CCSER1: variants seen among roughly 807,000 people sequenced by gnomAD.
CCSER1 encodes the protein serine-rich coiled-coil domain-containing protein 1.
Under a neutral mutation model 82.0 loss-of-function variants are expected in CCSER1, and 41 were observed. That is an observed-to-expected ratio of 0.50 (90% confidence interval 0.39 to 0.65). The LOEUF is 0.65. CCSER1 is among the 30% of genes least tolerant of loss of function. The pLI is 0.00. For synonymous variants in CCSER1, 414 were observed against 383.9 expected (o/e 1.08, Z -0.92); for missense variants, 1,119 against 1,064.2 (o/e 1.05, Z -0.72).
chr4:91,245,465 C>T (rs574864832), intron 10 of CCSER1, among the ~76,000 whole-genome samples: 1 of 152,082 alleles, frequency 6.6e-6, no homozygotes, highest in African/African-American at 2.4e-5. Flanking sequence ...TAGTGGAAAC[C>T]TTACAGGCCA....
In CCSER1 at chr4:91,369,955, T is replaced by C. The variant is rs141962271; in HGVS notation, c.2218-228617T>C. On this transcript the variant is annotated intron_variant, in intron 10 of 10. Coordinates refer to ENST00000509176, the MANE Select transcript of CCSER1 (RefSeq NM_001145065.2). The stretch of plus-strand genomic sequence containing the variant: ...CCAGCCTCTCAAAGTGCTGGGATTA[T>C]AGGCATGAGCCACTGTGCCCAGCCA... 6.1e-3 allele frequency among the ~76,000 whole-genome samples: 932 copies of C among 152,000 alleles called. 16 individuals are homozygous for C. The highest frequency in any genetic ancestry group is 0.021 in the African/African-American group (870 of 41,470).
intron 5 of CCSER1, among the ~76,000 whole-genome samples, chr4:90,620,353 A>G (rs1207348642): frequency 6.6e-6 from 1 of 152,170 alleles, no homozygotes; most frequent in Non-Finnish European, 1.5e-5. Context: ...CAGTTAGAAA[A>G]TTAATTTAGG....
At chr4:91,085,107 C>CG (rs1723232824) in intron 9 of CCSER1, among the ~76,000 whole-genome samples, 1 of 145,492 alleles carries the variant, frequency 6.9e-6, no homozygotes, top group African/African-American at 2.5e-5. Flanking sequence ...CTACAGGACA[C>CG]TTTTTTTTTT....
intron 7 of CCSER1, among the ~76,000 whole-genome samples, chr4:90,769,675 G>A (rs905968025): frequency 3.9e-5 from 6 of 152,084 alleles, no homozygotes; most frequent in South Asian, 4.2e-4. Flanking sequence ...AGACGAAGAG[G>A]GATTATATTC....
intron 10 of CCSER1, among the ~76,000 whole-genome samples, chr4:91,162,063 T>C (rs919313834): frequency 6.6e-6 from 1 of 152,218 alleles, no homozygotes; most frequent in Non-Finnish European, 1.5e-5. Context: ...TGTTATTGGC[T>C]GTGGGTTTGT....
intron 10 of CCSER1, among the ~76,000 whole-genome samples, chr4:91,185,176 A>G (rs1217715723): frequency 6.6e-6 from 1 of 152,184 alleles, no homozygotes; most frequent in East Asian, 1.9e-4. Context: ...TGATTTACCC[A>G]ATAAGCTGCT....
intron 9 of CCSER1, among the ~76,000 whole-genome samples, 168 bp from the exon 10 acceptor site, chr4:91,085,782 C>T (rs899771399): frequency 3.3e-5 from 5 of 151,650 alleles, no homozygotes; most frequent in Admixed American, 2.0e-4. Flanking sequence ...ACTTACTTAG[C>T]TACACACACA....
intron 1 of CCSER1, among the ~76,000 whole-genome samples, chr4:90,284,865 C>T (rs1472371329): frequency 2.0e-5 from 3 of 151,948 alleles, no homozygotes; most frequent in Non-Finnish European, 4.4e-5. Context: ...ATCCAGTTTT[C>T]CCAGCACCAT....
intron 1 of CCSER1, among the ~76,000 whole-genome samples, chr4:90,214,592 T>C (rs1835526): frequency 0.61 from 93,393 of 152,000 alleles, 30,107 homozygotes; most frequent in East Asian, 0.83. Context: ...CAATAAAAAG[T>C]AGATGTATTT....
chr4:90,894,544 T>C (rs1723423396), intron 8 of CCSER1, among the ~76,000 whole-genome samples: 1 of 152,034 alleles, frequency 6.6e-6, no homozygotes, highest in African/African-American at 2.4e-5. Flanking sequence ...ATTGACTATA[T>C]AGTCTATTAG....
chr4:90,840,990 A>G (rs967677983), intron 8 of CCSER1, among the ~76,000 whole-genome samples: 2 of 152,184 alleles, frequency 1.3e-5, no homozygotes, highest in Non-Finnish European at 2.9e-5. Context: ...CTACAGCTCT[A>G]AAACACCATG....
At chr4:91,259,370 C>T (rs960501491) in intron 10 of CCSER1, among the ~76,000 whole-genome samples, 1 of 152,070 alleles carries the variant, frequency 6.6e-6, no homozygotes, top group Non-Finnish European at 1.5e-5. Context: ...CATTCATTTT[C>T]CTTATAGTTC....
chr4:90,167,889 G>A (rs1434751785), intron 1 of CCSER1, among the ~76,000 whole-genome samples: 3 of 152,048 alleles, frequency 2.0e-5, no homozygotes, highest in African/African-American at 7.3e-5. Context: ...GGACATTTGG[G>A]TTGGTTCCAA....
intron 5 of CCSER1, among the ~76,000 whole-genome samples, chr4:90,480,010 C>T (rs1765694228): frequency 6.6e-6 from 1 of 152,150 alleles, no homozygotes; most frequent in Non-Finnish European, 1.5e-5. Flanking sequence ...CAAAGTGTTC[C>T]TATTTCTCCA....
intron 8 of CCSER1, among the ~76,000 whole-genome samples, chr4:90,863,891 C>T (rs1580828538): frequency 6.6e-6 from 1 of 151,738 alleles, no homozygotes; most frequent in African/African-American, 2.4e-5. Flanking sequence ...CTTTGTTGAA[C>T]CAGAGAATCT....
intron 10 of CCSER1, among the ~76,000 whole-genome samples, chr4:91,241,986 G>C (rs1739405526): frequency 6.6e-6 from 1 of 151,020 alleles, no homozygotes; most frequent in Admixed American, 6.6e-5. Flanking sequence ...ATATTTATGT[G>C]CATATATATG....
At chr4:91,242,037 A>G (rs1739412994) in intron 10 of CCSER1, among the ~76,000 whole-genome samples, 1 of 152,250 alleles carries the variant, frequency 6.6e-6, no homozygotes, top group Admixed American at 6.5e-5. Context: ...AAGAAAAACA[A>G]CAAAGTTAAT....
intron 4 of CCSER1, among the ~76,000 whole-genome samples, chr4:90,405,539 C>G (rs1212355274): frequency 6.6e-6 from 1 of 152,106 alleles, no homozygotes; most frequent in Non-Finnish European, 1.5e-5. Flanking sequence ...ACAAAAACAT[C>G]ATGACCTACG....
At chr4:90,672,374 A>G (rs1321199032) in intron 6 of CCSER1, among the ~76,000 whole-genome samples, 1 of 152,006 alleles carries the variant, frequency 6.6e-6, no homozygotes, top group East Asian at 1.9e-4. Context: ...CTTAAACATC[A>G]TGAATCAACC....
Sources: gnomAD v4.1 joint callset for allele counts (sites outside exome capture counted in the v4.1 genomes callset) on GRCh38, gnomAD v4.1.1 for gene constraint, MANE v1.5 for transcripts, NCBI Gene and HGNC (gene_info 2026-07-23, HGNC 2026-07-21) for gene names.